RCOR1: variants seen among roughly 807,000 people sequenced by gnomAD.
The protein encoded by RCOR1 is REST corepressor.
A neutral mutation model predicts 64.0 loss-of-function variants in RCOR1; 12 were observed. The observed-to-expected ratio is 0.19, with a 90% CI of 0.12 to 0.30. The LOEUF (loss-of-function observed/expected upper bound fraction) is 0.30, where lower values mean the gene tolerates loss of function less well. RCOR1 is among the 10% of genes least tolerant of loss of function. RCOR1 has a pLI of 1.00. For synonymous variants in RCOR1, 279 were observed against 227.2 expected (o/e 1.23, Z -2.05); for missense variants, 502 against 621.2 (o/e 0.81, Z 2.04).
intron 2 of RCOR1, among the ~76,000 whole-genome samples, chr14:102,620,876 A>G (rs955280369): frequency 6.6e-6 from 1 of 152,160 alleles, no homozygotes; most frequent in Middle Eastern, 3.4e-3. Flanking sequence ...CATTCAGATC[A>G]TTGCTCAATA....
intron 2 of RCOR1, chr14:102,662,365 C>T: frequency 5.3e-6 from 3 of 566,576 alleles, no homozygotes; most frequent in Non-Finnish European, 1.0e-5. Flanking sequence ...TGTCATAGAG[C>T]TTCTTCACAG....
At chr14:102,702,226 C>T (rs1895769198) in intron 4 of RCOR1, among the ~76,000 whole-genome samples, 1 of 152,090 alleles carries the variant, frequency 6.6e-6, no homozygotes, top group Admixed American at 6.6e-5. Flanking sequence ...CTTGGCCTTA[C>T]ATTTAATTAC....
At chr14:102,600,787 G>A (rs185242601) in intron 2 of RCOR1, among the ~76,000 whole-genome samples, 2 of 151,510 alleles carry the variant, frequency 1.3e-5, no homozygotes, top group East Asian at 2.0e-4. Flanking sequence ...AGCCAGGATG[G>A]TCTCGATCTC....
intron 2 of RCOR1, among the ~76,000 whole-genome samples, chr14:102,635,646 C>A (rs150885721): frequency 6.6e-6 from 1 of 152,054 alleles, no homozygotes; most frequent in East Asian, 1.9e-4. Context: ...CATAATTTGA[C>A]GCAAGTTGAC....
chr14:102,710,832 A>G (rs978806080), intron 6 of RCOR1, 103 bp from the exon 7 acceptor site: 2 of 749,696 alleles, frequency 2.7e-6, no homozygotes, highest in Admixed American at 2.8e-5. Flanking sequence ...TATTATTTAT[A>G]TTTGGTAAAA....
chr14:102,720,843 G>T, intron 8 of RCOR1, 164 bp from the exon 9 acceptor site: 1 of 509,108 alleles, frequency 2.0e-6, no homozygotes, highest in Non-Finnish European at 3.5e-6. Flanking sequence ...AATAAACCTA[G>T]TTAGATGCTT....
chr14:102,725,881 A>T (rs1296060793), intron 11 of RCOR1, among the ~76,000 whole-genome samples: 1 of 152,086 alleles, frequency 6.6e-6, no homozygotes, highest in Non-Finnish European at 1.5e-5. Flanking sequence ...GTTTTCAGGC[A>T]CTTAAATTTA....
chr14:102,677,169 C>G (rs1225424831), intron 2 of RCOR1, among the ~76,000 whole-genome samples: 13 of 141,546 alleles, frequency 9.2e-5, no homozygotes, highest in Non-Finnish European at 2.0e-4. Flanking sequence ...TGACCCCCCC[C>G]CACCTCCCTC....
intron 2 of RCOR1, chr14:102,656,210 G>A: frequency 3.3e-6 from 2 of 609,410 alleles, no homozygotes; most frequent in Non-Finnish European, 4.1e-6. Flanking sequence ...TGTGATCTAG[G>A]CTCACTGCAA....
intron 2 of RCOR1, among the ~76,000 whole-genome samples, chr14:102,663,366 A>G (rs1313604197): frequency 1.3e-5 from 2 of 152,218 alleles, no homozygotes; most frequent in Admixed American, 6.5e-5. Context: ...CAGGTTTTCT[A>G]TGTTCCCTTC....
chr14:102,616,294 G>T (rs184582913), intron 2 of RCOR1, among the ~76,000 whole-genome samples: 1 of 150,218 alleles, frequency 6.7e-6, no homozygotes. Context: ...TTTGAGTTAG[G>T]GTCTTTCCCC....
Position 102,593,257 on chromosome 14 carries a change from C to T in RCOR1, c.302-9C>T. ...CCGCGCTGACCGCCGTATTCTGCTT[C>T]CCCCGCAGGTGGCGGTGGCATGAGG... On this transcript the variant is annotated splice_polypyrimidine_tract_variant and intron_variant, in intron 1 of 11. Coordinates refer to ENST00000262241, the MANE Select transcript of RCOR1 (RefSeq NM_015156.4). The T allele has an allele frequency of 1.3e-6, 2 of 1,519,858 alleles. No individual in the cohort carries two copies. The highest frequency in any genetic ancestry group is 1.8e-6 in the Non-Finnish European group (2 of 1,138,766). The allele number at this position is 1,519,858 out of a possible 1,614,324, so 94.1% of individuals were successfully genotyped here.
intron 2 of RCOR1, among the ~76,000 whole-genome samples, chr14:102,620,238 C>T (rs1239617355): frequency 6.6e-6 from 1 of 150,734 alleles, no homozygotes; most frequent in Non-Finnish European, 1.5e-5. Context: ...CACACTTATA[C>T]ACACACACAC....
At chr14:102,669,971 G>C (rs574123676) in intron 2 of RCOR1, among the ~76,000 whole-genome samples, 3 of 152,286 alleles carry the variant, frequency 2.0e-5, no homozygotes, top group African/African-American at 7.2e-5. Context: ...AGAATTTAGA[G>C]ACAGAGCCTT....
intron 2 of RCOR1, among the ~76,000 whole-genome samples, chr14:102,652,666 A>G (rs1039183627): frequency 6.6e-6 from 1 of 152,122 alleles, no homozygotes; most frequent in Non-Finnish European, 1.5e-5. Context: ...TCTTTTTAGC[A>G]TATTCTATTT....
chr14:102,642,891 A>G (rs1463562259), intron 2 of RCOR1, among the ~76,000 whole-genome samples: 10 of 152,148 alleles, frequency 6.6e-5, no homozygotes, highest in Admixed American at 5.9e-4. Flanking sequence ...ATTCTGACAC[A>G]GTATAGGAGG....
intron 2 of RCOR1, among the ~76,000 whole-genome samples, chr14:102,629,642 T>G (rs1395438096): frequency 6.6e-6 from 1 of 152,242 alleles, no homozygotes; most frequent in African/African-American, 2.4e-5. Flanking sequence ...ATACCTTTAT[T>G]GCTCTACAAA....
intron 6 of RCOR1, among the ~76,000 whole-genome samples, chr14:102,709,227 T>A (rs1895912859): frequency 6.6e-6 from 1 of 152,188 alleles, no homozygotes; most frequent in Admixed American, 6.5e-5. Flanking sequence ...ATTTATTTTT[T>A]AAAATGTGTA....
At chr14:102,655,189 T>C in intron 2 of RCOR1, 2 of 916,374 alleles carry the variant, frequency 2.2e-6, no homozygotes, top group Non-Finnish European at 2.6e-6. Flanking sequence ...TGGTACAAAA[T>C]TAAAAGATGC....
Sources: allele counts gnomAD v4.1 joint callset (sites outside exome capture counted in the v4.1 genomes callset), GRCh38; gene constraint gnomAD v4.1.1; transcripts MANE v1.5; gene names NCBI Gene and HGNC (gene_info 2026-07-23, HGNC 2026-07-21).